The following CKMT2 variants were observed in gnomAD, a reference collection of about 807,000 sequenced individuals.
CKMT2 encodes the protein creatine kinase S-type, mitochondrial.
In CKMT2, 43 loss-of-function variants were observed where a neutral mutation model predicts 48.9. The ratio of observed to expected loss-of-function variants is 0.88; its 90% CI spans 0.69 to 1.13. CKMT2 has a LOEUF of 1.13. Ranked by LOEUF, CKMT2 falls within the 50% of genes most tolerant of loss-of-function variation. CKMT2 has a pLI of 0.00. For missense variants in CKMT2, 472 were observed against 555.4 expected, an observed-to-expected ratio of 0.85 and a Z score of 1.51; for synonymous variants, 206 against 213.0, an observed-to-expected ratio of 0.97 and a Z score of 0.29.
In CKMT2 at chr5:81,252,873, G is replaced by T; in HGVS notation, c.331G>T (p.Gly111Cys). 1 of 1,614,206 alleles carries T rather than the reference G, an allele frequency of 6.2e-7. No homozygotes were observed. The highest frequency in any genetic ancestry group is 8.5e-7 in the Non-Finnish European group (1 of 1,180,036). ...PFIKTVGMVA[G>C]DEESYEVFAD... ...CATAAAGACTGTGGGCATGGTGGCT[G>T]GTGACGAGGAGTCCTATGAGGTAAA... Residue 111 changes from glycine (G) to cysteine (C), a missense_variant, in exon 3 of 10, where the codon GGT (glycine) becomes TGT (cysteine). By Grantham distance (159) the Gly-to-Cys change is radical. Transcript: ENST00000254035.
intron 1 of CKMT2, among the ~76,000 whole-genome samples, chr5:81,242,035 G>A (rs1214756897): frequency 6.6e-6 from 1 of 152,000 alleles, no homozygotes. Context: ...TGTTATCTGT[G>A]GGGTAGTCTC....
At chr5:81,257,145 T>A (rs1757040741) in intron 6 of CKMT2, 145 bp downstream of exon 6, 1 of 117,938 alleles carries the variant, frequency 8.5e-6, no homozygotes. Context: ...TTGGAAAGTG[T>A]GTGTGTGTGT....
chr5:81,265,667 G>C (rs1757362209), intron 9 of CKMT2, among the ~76,000 whole-genome samples: 1 of 152,166 alleles, frequency 6.6e-6, no homozygotes, highest in Non-Finnish European at 1.5e-5. Flanking sequence ...GCCTAGCATA[G>C]TACAAACATG....
At chr5:81,234,377 G>T (rs549097386) in intron 1 of CKMT2, among the ~76,000 whole-genome samples, 43 of 152,132 alleles carry the variant, frequency 2.8e-4, no homozygotes, top group Admixed American at 7.2e-4. Context: ...TTCCAGAAGG[G>T]CTGCTTTTCC....
At chr5:81,262,904 A>G (rs1378937041) in intron 8 of CKMT2, among the ~76,000 whole-genome samples, 1 of 152,246 alleles carries the variant, frequency 6.6e-6, no homozygotes, top group East Asian at 1.9e-4. Flanking sequence ...TGTTCACAAC[A>G]GCAAAGACTT....
intron 1 of CKMT2, among the ~76,000 whole-genome samples, chr5:81,247,758 G>A (rs1245631476): frequency 6.6e-6 from 1 of 152,130 alleles, no homozygotes; most frequent in African/African-American, 2.4e-5. Context: ...GTTCTGGCGA[G>A]ACAAAAACAG....
intron 2 of CKMT2, chr5:81,252,125 G>A (rs1756837251): frequency 1.2e-5 from 2 of 160,324 alleles, no homozygotes; most frequent in Admixed American, 1.2e-4. Context: ...GAAAATAGAT[G>A]TGTTTTCTCA....
chr5:81,250,295 G>C (rs1473698807), intron 1 of CKMT2, among the ~76,000 whole-genome samples: 1 of 152,130 alleles, frequency 6.6e-6, no homozygotes, highest in Non-Finnish European at 1.5e-5. Context: ...CTTGTTGCTT[G>C]CTCATAACTA....
chr5:81,259,467 G>A, intron 8 of CKMT2: 1 of 406,812 alleles, frequency 2.5e-6, no homozygotes, highest in Non-Finnish European at 4.3e-6. Context: ...GTAGCTTCAA[G>A]AATAAGGCCT....
At chr5:81,245,238 G>A (rs894415577) in intron 1 of CKMT2, 3 of 152,152 alleles carry the variant, frequency 2.0e-5, no homozygotes, top group African/African-American at 7.2e-5. Flanking sequence ...GTGGAAAGAG[G>A]GAGTAGCCAC....
chr5:81,235,552 GA>G (rs1756218855), intron 1 of CKMT2, among the ~76,000 whole-genome samples: 1 of 152,244 alleles, frequency 6.6e-6, no homozygotes, highest in Non-Finnish European at 1.5e-5. Context: ...TGAGTCAGCA[GA>G]AAGGCAGACA....
intron 8 of CKMT2, among the ~76,000 whole-genome samples, chr5:81,260,081 G>T (rs1286327474): frequency 6.6e-6 from 1 of 152,096 alleles, no homozygotes; most frequent in African/African-American, 2.4e-5. Context: ...AAAACCGCAC[G>T]AATACATGGA....
At chr5:81,253,904 T>G (rs1458652708) in intron 3 of CKMT2, among the ~76,000 whole-genome samples, 1 of 152,224 alleles carries the variant, frequency 6.6e-6, no homozygotes, top group Non-Finnish European at 1.5e-5. Flanking sequence ...TTGCCCAAAC[T>G]GCTGCTATGT....
chr5:81,260,428 T>G (rs1358551402), intron 8 of CKMT2, among the ~76,000 whole-genome samples: 2 of 152,034 alleles, frequency 1.3e-5, no homozygotes, highest in African/African-American at 4.8e-5. Flanking sequence ...AAAAAATCAG[T>G]GAATCCAGGA....
At chr5:81,249,194 C>G (rs1367205776) in intron 1 of CKMT2, among the ~76,000 whole-genome samples, 4 of 151,994 alleles carry the variant, frequency 2.6e-5, no homozygotes, top group East Asian at 3.9e-4. Context: ...GACTACACTA[C>G]AGGTGCATGC....
chr5:81,248,548 CATG>C (rs1347575898), intron 1 of CKMT2, among the ~76,000 whole-genome samples: 1 of 152,190 alleles, frequency 6.6e-6, no homozygotes, highest in Non-Finnish European at 1.5e-5. Context: ...GGGATACTGA[CATG>C]ATGACCTGAA....
intron 1 of CKMT2, chr5:81,244,237 C>G (rs374921026): frequency 2.1e-6 from 2 of 970,228 alleles, no homozygotes. Context: ...CATCATGGCT[C>G]ATAGAAATCG....
intron 1 of CKMT2, chr5:81,247,121 T>C (rs1159778048): frequency 6.6e-6 from 1 of 152,264 alleles, no homozygotes; most frequent in Non-Finnish European, 1.5e-5. Flanking sequence ...AGAAACATCC[T>C]GGCTGCTCTG....
chr5:81,263,397 A>G, intron 8 of CKMT2, 94 bp from the exon 9 acceptor site: 1 of 605,362 alleles, frequency 1.7e-6, no homozygotes. Context: ...TTAAACTGTT[A>G]TCTCTCACTA....
Sources: allele counts gnomAD v4.1 joint callset (sites outside exome capture counted in the v4.1 genomes callset), GRCh38; gene constraint gnomAD v4.1.1; transcripts MANE v1.5; gene names NCBI Gene and HGNC (gene_info 2026-07-23, HGNC 2026-07-21).